The following TENM2 variants were observed in gnomAD, a reference collection of about 807,000 sequenced individuals.
TENM2 encodes teneurin transmembrane protein 2, also known as teneurin-2.
A neutral mutation model predicts 245.2 loss-of-function variants in TENM2; 52 were observed. The observed-to-expected ratio is 0.21, with a 90% CI of 0.17 to 0.27. The LOEUF (loss-of-function observed/expected upper bound fraction) is 0.27, where lower values mean the gene tolerates loss of function less well. Ranked by LOEUF, TENM2 falls within the 10% of genes least tolerant of loss-of-function variation. The pLI is 1.00. For missense variants in TENM2, 3,046 were observed against 3,666.8 expected, an observed-to-expected ratio of 0.83 and a Z score of 4.37; for synonymous variants, 1,363 against 1,438.9, an observed-to-expected ratio of 0.95 and a Z score of 1.19.
At chr5:167,919,386 C>T (rs945363279) in intron 3 of TENM2, among the ~76,000 whole-genome samples, 4 of 152,192 alleles carry the variant, frequency 2.6e-5, no homozygotes, top group African/African-American at 9.7e-5. Context: ...CCGCTGAATG[C>T]AGCTTGACTG....
intron 2 of TENM2, among the ~76,000 whole-genome samples, chr5:167,624,768 C>T (rs1778392600): frequency 6.6e-6 from 1 of 152,114 alleles, no homozygotes; most frequent in Non-Finnish European, 1.5e-5. Context: ...TTAACAAGAA[C>T]TAATTTTGTT....
intron 2 of TENM2, among the ~76,000 whole-genome samples, chr5:167,404,584 T>C (rs1762528271): frequency 1.3e-5 from 2 of 152,146 alleles, no homozygotes; most frequent in South Asian, 4.1e-4. Context: ...TTATCACAAT[T>C]GCTTTTGCAT....
At chr5:167,867,513 T>C (rs556872049) in intron 2 of TENM2, among the ~76,000 whole-genome samples, 2 of 152,298 alleles carry the variant, frequency 1.3e-5, no homozygotes, top group South Asian at 4.1e-4. Context: ...TTGTTCACAA[T>C]TGGGATAGTT....
the TENM2 span, among the ~76,000 whole-genome samples, chr5:167,239,669 G>C: frequency 3.3e-5 from 5 of 152,190 alleles, no homozygotes; most frequent in African/African-American, 1.2e-4. Flanking sequence ...TACTAGAACA[G>C]TGCCTAAAAT....
chr5:167,806,371 G>T (rs1183379239), intron 2 of TENM2, among the ~76,000 whole-genome samples: 1 of 151,956 alleles, frequency 6.6e-6, no homozygotes, highest in Non-Finnish European at 1.5e-5. Context: ...ATAGATGAGA[G>T]CATCTCAACT....
intron 3 of TENM2, among the ~76,000 whole-genome samples, chr5:167,925,896 T>G (rs895216521): frequency 2.0e-5 from 3 of 152,180 alleles, no homozygotes; most frequent in African/African-American, 7.2e-5. Flanking sequence ...AAGCTGGAGC[T>G]AAATGATAAG....
intron 27 of TENM2, among the ~76,000 whole-genome samples, chr5:168,254,648 G>A (rs758709998): frequency 2.2e-4 from 34 of 152,190 alleles, no homozygotes; most frequent in Non-Finnish European, 3.8e-4. Flanking sequence ...GGTCACAGAG[G>A]CAGGAGGGCT....
chr5:167,787,545 T>C (rs112152781), intron 2 of TENM2, among the ~76,000 whole-genome samples: 1 of 152,200 alleles, frequency 6.6e-6, no homozygotes, highest in Non-Finnish European at 1.5e-5. Context: ...ATTTCCCACC[T>C]GGAAGCTCCT....
At position 167,473,849 on chromosome 5, in the gene TENM2, A is replaced by AC. The variant is rs1554162338; in HGVS notation, c.502+98376_502+98377insC. ...TTGATGACCTGAGAATTTGTGGTTC[A>AC]GGACTGGAGCAGTACCTGTACCATT... On this transcript the variant is annotated intron_variant, in intron 2 of 28. Transcript: ENST00000518659. Among the ~76,000 whole-genome samples the AC allele has an allele frequency of 2.0e-5, 3 of 152,232 alleles. No homozygotes were observed. The East Asian group carries it at 5.8e-4, about 29-fold the overall frequency.
chr5:167,398,775 A>G (rs908825501), intron 2 of TENM2, among the ~76,000 whole-genome samples: 1 of 152,078 alleles, frequency 6.6e-6, no homozygotes, highest in African/African-American at 2.4e-5. Flanking sequence ...TCCTGTTATG[A>G]TTATTAAATG....
intron 5 of TENM2, among the ~76,000 whole-genome samples, chr5:168,002,637 T>G (rs1179544662): frequency 6.6e-6 from 1 of 152,250 alleles, no homozygotes; most frequent in African/African-American, 2.4e-5. Context: ...GTAGTGTGTT[T>G]AAACTTTCTT....
At chr5:167,019,642 G>A in the TENM2 span, among the ~76,000 whole-genome samples, 1 of 151,946 alleles carries the variant, frequency 6.6e-6, no homozygotes, top group Non-Finnish European at 1.5e-5. Context: ...GCTAATGTTT[G>A]TATTTTTAGT....
At chr5:167,826,386 A>G (rs1262321383) in intron 2 of TENM2, among the ~76,000 whole-genome samples, 1 of 152,172 alleles carries the variant, frequency 6.6e-6, no homozygotes, top group East Asian at 1.9e-4. Context: ...AGAGCAGCTC[A>G]GCACTCTCCA....
chr5:167,320,385 G>C (rs935361191), intron 1 of TENM2, among the ~76,000 whole-genome samples: 1 of 152,196 alleles, frequency 6.6e-6, no homozygotes, highest in African/African-American at 2.4e-5. Flanking sequence ...ATTCAGGAAA[G>C]GCCTGAATTG....
chr5:167,490,317 A>G (rs1258544011), intron 2 of TENM2, among the ~76,000 whole-genome samples: 1 of 152,182 alleles, frequency 6.6e-6, no homozygotes, highest in African/African-American at 2.4e-5. Flanking sequence ...CAAAGACAGA[A>G]GAGTCTTCCT....
intron 2 of TENM2, among the ~76,000 whole-genome samples, chr5:167,831,079 G>A (rs1051483716): frequency 1.3e-5 from 2 of 152,066 alleles, no homozygotes; most frequent in Admixed American, 6.6e-5. Context: ...GTACAGCTCC[G>A]TGTTCTTCTG....
intron 2 of TENM2, among the ~76,000 whole-genome samples, chr5:167,808,922 A>G (rs1166266876): frequency 6.6e-6 from 1 of 152,220 alleles, no homozygotes; most frequent in East Asian, 1.9e-4. Flanking sequence ...CTCATTTGCA[A>G]GATGTATCAT....
intron 2 of TENM2, among the ~76,000 whole-genome samples, chr5:167,752,833 T>C (rs189993467): frequency 2.6e-5 from 4 of 152,338 alleles, no homozygotes; most frequent in Admixed American, 6.5e-5. Context: ...AGGAGAGCTG[T>C]GAACTGATTT....
chr5:168,235,384 C>T (rs1159249228), intron 25 of TENM2, among the ~76,000 whole-genome samples: 5 of 152,244 alleles, frequency 3.3e-5, no homozygotes, highest in Non-Finnish European at 5.9e-5. Context: ...TAATGTATTC[C>T]CCAAGCAAAC....
Sources: allele counts gnomAD v4.1 joint callset (sites outside exome capture counted in the v4.1 genomes callset), GRCh38; gene constraint gnomAD v4.1.1; transcripts MANE v1.5; gene names NCBI Gene and HGNC (gene_info 2026-07-23, HGNC 2026-07-21).